Variants in SAE1 observed in about 807,000 individuals in gnomAD.
SAE1 encodes SUMO-activating enzyme subunit 1.
SAE1 carries 11 observed loss-of-function variants against 40.6 expected under a neutral mutation model. That is an observed-to-expected ratio of 0.27 (90% CI 0.17 to 0.45). The LOEUF (loss-of-function observed/expected upper bound fraction) is 0.45. SAE1 is among the 20% of genes least tolerant of loss of function. The pLI is 1.00. For missense variants in SAE1, 373 were observed against 427.3 expected (o/e 0.87, Z 1.12); for synonymous variants, 155 against 154.3 (o/e 1.00, Z -0.03).
chr19:47,194,172 G>A (rs1227165799), intron 6 of SAE1, among the ~76,000 whole-genome samples: 3 of 152,134 alleles, frequency 2.0e-5, no homozygotes, highest in East Asian at 3.8e-4. Flanking sequence ...TCACTCACTC[G>A]CCATTGGACC....
intron 2 of SAE1, among the ~76,000 whole-genome samples, chr19:47,146,295 A>G (rs538017560): frequency 1.3e-5 from 2 of 152,276 alleles, no homozygotes; most frequent in East Asian, 3.9e-4. Context: ...AATGACAGGA[A>G]GGGTGACATG....
chr19:47,204,694 C>T (rs934308786), intron 8 of SAE1, among the ~76,000 whole-genome samples: 2 of 151,696 alleles, frequency 1.3e-5, no homozygotes, highest in East Asian at 1.9e-4. Context: ...TTTAGTAGTT[C>T]ACCATATTGG....
chr19:47,173,786 C>CTTTTT (rs749843235), intron 6 of SAE1, among the ~76,000 whole-genome samples: 8 of 141,050 alleles, frequency 5.7e-5, no homozygotes, highest in African/African-American at 2.1e-4. Flanking sequence ...TCTTTCTTTT[C>CTTTTT]TTTTTTTTTT....
intron 5 of SAE1, among the ~76,000 whole-genome samples, chr19:47,159,024 T>G (rs1203064127): frequency 6.6e-6 from 1 of 152,172 alleles, no homozygotes; most frequent in Admixed American, 6.6e-5. Flanking sequence ...TTGTGAGTTA[T>G]CTGTGTTAGG....
intron 4 of SAE1, among the ~76,000 whole-genome samples, chr19:47,153,502 A>G (rs1217710556): frequency 6.6e-6 from 1 of 152,126 alleles, no homozygotes; most frequent in Non-Finnish European, 1.5e-5. Context: ...TTATTGTAAA[A>G]CTATATGAGT....
chr19:47,207,498 T>G (rs1204484928), intron 8 of SAE1, among the ~76,000 whole-genome samples: 1 of 152,174 alleles, frequency 6.6e-6, no homozygotes, highest in Non-Finnish European at 1.5e-5. Context: ...GTGGTGAAAT[T>G]TCAATCCTTT....
At chr19:47,173,279 G>C (rs2058446620) in intron 6 of SAE1, among the ~76,000 whole-genome samples, 1 of 152,134 alleles carries the variant, frequency 6.6e-6, no homozygotes, top group Admixed American at 6.6e-5. Flanking sequence ...TTAGAGGCGT[G>C]AGCCACCGCG....
intron 6 of SAE1, among the ~76,000 whole-genome samples, chr19:47,194,945 A>G (rs1293843527): frequency 6.6e-6 from 1 of 150,896 alleles, no homozygotes; most frequent in Non-Finnish European, 1.5e-5. Flanking sequence ...GGGTTTCACC[A>G]TGTTGGCCAG....
intron 5 of SAE1, among the ~76,000 whole-genome samples, chr19:47,162,730 C>G (rs2058366640): frequency 6.6e-6 from 1 of 152,146 alleles, no homozygotes; most frequent in African/African-American, 2.4e-5. Context: ...GTGGCTCATG[C>G]CTGTAATCCC....
chr19:47,190,315 G>T (rs2058570864), intron 6 of SAE1, among the ~76,000 whole-genome samples: 1 of 151,986 alleles, frequency 6.6e-6, no homozygotes, highest in Non-Finnish European at 1.5e-5. Context: ...CTGGTGGGAG[G>T]TGCTCTTCAG....
At chr19:47,173,975 G>T (rs540698845) in intron 6 of SAE1, among the ~76,000 whole-genome samples, 1 of 151,708 alleles carries the variant, frequency 6.6e-6, no homozygotes, top group South Asian at 2.1e-4. Flanking sequence ...TAGTAGAGAC[G>T]GGGTTTCACC....
intron 2 of SAE1, among the ~76,000 whole-genome samples, chr19:47,147,884 T>G (rs974143864): frequency 6.6e-6 from 1 of 151,284 alleles, no homozygotes; most frequent in African/African-American, 2.4e-5. Context: ...TCAGCCTCCC[T>G]AGTAGCTGGG....
intron 5 of SAE1, among the ~76,000 whole-genome samples, chr19:47,168,792 C>G (rs966936471): frequency 1.3e-5 from 2 of 152,062 alleles, no homozygotes; most frequent in Non-Finnish European, 2.9e-5. Flanking sequence ...TTAATAGAGA[C>G]GGGGTTTCAC....
In SAE1 at chr19:47,169,859, C is replaced by T; in HGVS notation, c.669C>T (p.Asp223=). ...CTGTTAAAGAAGCCCTGGAGGTGGA[C>T]TGGAGCAGTGAGAAAGCAAAGGCTG... is the stretch of plus-strand genomic sequence containing the variant. The part of the protein sequence containing the change: ...FCPVKEALEV[D]WSSEKAKAAL... The change falls in exon 6 of 9, where the codon GAC becomes GAT. Residue 223 remains aspartate (D), a synonymous_variant. Coordinates refer to ENST00000270225, the MANE Select transcript of SAE1 (RefSeq NM_005500.3). 1 of 1,614,178 alleles carries T rather than the reference C, an allele frequency of 6.2e-7. No homozygotes were observed. Among genetic ancestry groups the T allele is most frequent in the Non-Finnish European group, 8.5e-7 (1 of 1,180,006 alleles).
chr19:47,164,057 T>C (rs1288581362), intron 5 of SAE1, among the ~76,000 whole-genome samples: 1 of 151,716 alleles, frequency 6.6e-6, no homozygotes, highest in African/African-American at 2.4e-5. Context: ...GCGTGAGCCA[T>C]TGCACCTGGC....
chr19:47,166,750 T>C (rs2123244605), intron 5 of SAE1, among the ~76,000 whole-genome samples: 1 of 152,296 alleles, frequency 6.6e-6, no homozygotes, highest in Middle Eastern at 3.4e-3. Context: ...ATTTTCAGAC[T>C]TGTTGAGAAG....
At chr19:47,208,216 A>C (rs1023062117) in intron 8 of SAE1, among the ~76,000 whole-genome samples, 8 of 152,180 alleles carry the variant, frequency 5.3e-5, no homozygotes, top group African/African-American at 1.9e-4. Flanking sequence ...ATGGTGGTGC[A>C]ACACAGTGTT....
chr19:47,140,620 C>T (rs1435354939), intron 1 of SAE1, among the ~76,000 whole-genome samples: 2 of 109,492 alleles, frequency 1.8e-5, no homozygotes, highest in African/African-American at 5.8e-5. Context: ...GACCCTGTGT[C>T]TACAAAAAAA....
intron 3 of SAE1, 138 bp downstream of exon 3, chr19:47,150,513 T>C: frequency 1.5e-6 from 1 of 682,762 alleles, no homozygotes; most frequent in Non-Finnish European, 2.4e-6. Context: ...ATGTATAAGC[T>C]GTTCTATTGT....
Sources: gnomAD v4.1 joint callset for allele counts (sites outside exome capture counted in the v4.1 genomes callset) on GRCh38, gnomAD v4.1.1 for gene constraint, MANE v1.5 for transcripts, NCBI Gene and HGNC (gene_info 2026-07-23, HGNC 2026-07-21) for gene names.